Variants in CDC42BPA observed in about 807,000 individuals in gnomAD.
CDC42BPA encodes serine/threonine-protein kinase MRCK alpha.
In CDC42BPA, 80 loss-of-function variants were observed where a neutral mutation model predicts 223.5. The ratio of observed to expected loss-of-function variants is 0.36; its 90% CI spans 0.30 to 0.43. CDC42BPA has a LOEUF of 0.43. Ranked by LOEUF, CDC42BPA falls within the 20% of genes least tolerant of loss-of-function variation. CDC42BPA has a pLI of 1.00. For synonymous variants in CDC42BPA, 694 were observed against 718.6 expected, an observed-to-expected ratio of 0.97 and a Z score of 0.55; for missense variants, 1,743 against 2,099.9, an observed-to-expected ratio of 0.83 and a Z score of 3.32.
chr1:227,265,262 T>C (rs11808613), intron 1 of CDC42BPA: 6,299 of 529,700 alleles, frequency 0.012, 278 homozygotes, highest in African/African-American at 0.1. Flanking sequence ...GCTTAGTAGC[T>C]GTGAGACCTT....
chr1:227,284,695 T>C (rs1688533303), intron 1 of CDC42BPA, among the ~76,000 whole-genome samples: 1 of 152,198 alleles, frequency 6.6e-6, no homozygotes, highest in East Asian at 1.9e-4. Flanking sequence ...CCAGGATTAA[T>C]TACATCTGTA....
chr1:227,114,315 A>AT (rs750735330), intron 12 of CDC42BPA, among the ~76,000 whole-genome samples: 2 of 152,070 alleles, frequency 1.3e-5, no homozygotes, highest in Non-Finnish European at 2.9e-5. Context: ...AGGGTAAAAT[A>AT]TTTTCAAAGA....
At chr1:227,185,152 A>ATT (rs35695051) in intron 5 of CDC42BPA, among the ~76,000 whole-genome samples, 4 of 150,750 alleles carry the variant, frequency 2.7e-5, no homozygotes, top group South Asian at 2.1e-4. Context: ...TTTACAAGAA[A>ATT]TTTTTTTTTT....
intron 5 of CDC42BPA, among the ~76,000 whole-genome samples, chr1:227,166,674 G>A (rs6697304): frequency 0.011 from 1,678 of 152,196 alleles, 14 homozygotes; most frequent in Middle Eastern, 0.037. Flanking sequence ...ACTTATACAA[G>A]GACCACCCTG....
At chr1:227,256,987 A>ACACACACACACACC (rs2148319526) in intron 1 of CDC42BPA, among the ~76,000 whole-genome samples, 1 of 149,886 alleles carries the variant, frequency 6.7e-6, no homozygotes, top group East Asian at 2.0e-4. Context: ...ACACACACAC[A>ACACACACACACACC]CACCAGTATG....
intron 2 of CDC42BPA, chr1:227,235,109 G>T (rs1294883883): frequency 6.6e-6 from 1 of 152,172 alleles, no homozygotes; most frequent in Middle Eastern, 3.2e-3. Flanking sequence ...CTCTGTGTAT[G>T]CTGATTTCCA....
At chr1:227,024,377 T>TA (rs1447967025) in intron 31 of CDC42BPA, among the ~76,000 whole-genome samples, 1 of 152,192 alleles carries the variant, frequency 6.6e-6, no homozygotes, top group African/African-American at 2.4e-5. Context: ...TATTGGTTGG[T>TA]ACAATTACTT....
At chr1:227,232,584 T>C (rs533387626) in intron 2 of CDC42BPA, among the ~76,000 whole-genome samples, 1 of 152,300 alleles carries the variant, frequency 6.6e-6, no homozygotes, top group Non-Finnish European at 1.5e-5. Flanking sequence ...GATGTACAGA[T>C]GGGGTTTTGG....
chr1:227,121,078 T>C lies in CDC42BPA; in HGVS notation c.1514-1141A>G, dbSNP rs576971622. Among the ~76,000 whole-genome samples the C allele has an allele frequency of 2.6e-5, 4 of 152,292 alleles. No individual in the cohort carries two copies. In the South Asian group the frequency reaches 8.3e-4, roughly 32 times the overall value. On this transcript the variant is annotated intron_variant, in intron 11 of 36. Transcript: ENST00000366766. ...GCTCACTCACCTGCCATTCACCTCC[T>C]GCTGTGCGGCCCAGTCTGCTGGTAC... is the stretch of plus-strand genomic sequence containing the variant.
intron 34 of CDC42BPA, among the ~76,000 whole-genome samples, chr1:227,012,574 T>C (rs1443094816): frequency 6.6e-6 from 1 of 152,152 alleles, no homozygotes; most frequent in South Asian, 2.1e-4. Flanking sequence ...TCTAAGCTTA[T>C]AAGTATTTCA....
intron 1 of CDC42BPA, among the ~76,000 whole-genome samples, chr1:227,287,229 G>A (rs937536647): frequency 6.6e-6 from 1 of 152,084 alleles, no homozygotes; most frequent in African/African-American, 2.4e-5. Context: ...GTACTGTTTC[G>A]TATTGTGCGG....
intron 4 of CDC42BPA, among the ~76,000 whole-genome samples, chr1:227,195,754 G>C (rs1670572005): frequency 6.6e-6 from 1 of 151,792 alleles, no homozygotes; most frequent in Non-Finnish European, 1.5e-5. Context: ...TGAATATTTG[G>C]TACTCCTAAT....
intron 31 of CDC42BPA, 84 bp downstream of exon 31, chr1:227,025,967 GAATT>G (rs974852562): frequency 2.9e-5 from 20 of 688,096 alleles, no homozygotes; most frequent in Admixed American, 2.2e-4. Flanking sequence ...AGAAAATGTT[GAATT>G]AATAAAAAAA....
intron 12 of CDC42BPA, among the ~76,000 whole-genome samples, chr1:227,113,319 G>C (rs1466914645): frequency 6.6e-6 from 1 of 152,232 alleles, no homozygotes; most frequent in Non-Finnish European, 1.5e-5. Flanking sequence ...AACTAAACCG[G>C]AGACTCCCTA....
intron 2 of CDC42BPA, among the ~76,000 whole-genome samples, chr1:227,238,913 C>T (rs1391659863): frequency 6.6e-6 from 1 of 152,170 alleles, no homozygotes. Flanking sequence ...CTTCTCAGCA[C>T]TGACAGAACT....
At chr1:227,265,729 T>C (rs1351915694) in intron 1 of CDC42BPA, among the ~76,000 whole-genome samples, 2 of 152,160 alleles carry the variant, frequency 1.3e-5, no homozygotes, top group African/African-American at 4.8e-5. Context: ...GACCCTAGTT[T>C]CTCCTTCTCT....
chr1:227,316,955 C>A (rs773337935), intron 1 of CDC42BPA, 50 bp downstream of exon 1: 1 of 1,386,044 alleles, frequency 7.2e-7, no homozygotes, highest in African/African-American at 1.4e-5. Context: ...CCAATTAAAT[C>A]ATAATGACCA....
In CDC42BPA at chr1:227,318,085, G is replaced by A. The variant is rs1445978430; in HGVS notation, c.-903C>T. 7 of 249,300 alleles carry A rather than the reference G, an allele frequency of 2.8e-5. No homozygotes were observed. Among genetic ancestry groups the A allele is most frequent in the African/African-American group, 4.8e-5 (2 of 41,696 alleles). The allele number at this position is 249,300 out of a possible 1,614,324, so 15.4% of individuals were successfully genotyped here. On this transcript the variant is annotated 5_prime_UTR_variant, in exon 1 of 37. Transcript: ENST00000366766. Reference sequence around the variant, plus strand: ...GGGCCGAGCCGCGCCGCGCCGCGCCGGGCAGAGAGCCCGGTCTCCCCGACA... The same window carrying A: ...GGGCCGAGCCGCGCCGCGCCGCGCCAGGCAGAGAGCCCGGTCTCCCCGACA...
chr1:227,109,472 T>C (rs114857827), intron 14 of CDC42BPA, among the ~76,000 whole-genome samples: 3,998 of 152,142 alleles, frequency 0.026, 194 homozygotes, highest in African/African-American at 0.092. Context: ...TCCAGGCGAT[T>C]CTCGTGCCTC....
Sources: gnomAD v4.1 joint callset for allele counts (sites outside exome capture counted in the v4.1 genomes callset) on GRCh38, gnomAD v4.1.1 for gene constraint, MANE v1.5 for transcripts, NCBI Gene and HGNC (gene_info 2026-07-23, HGNC 2026-07-21) for gene names.